KIF9: variants seen among roughly 807,000 people sequenced by gnomAD.
The protein encoded by KIF9 is kinesin family member 9.
KIF9 carries 68 observed loss-of-function variants against 94.8 expected under a neutral mutation model. The observed-to-expected ratio is 0.72, with a 90% CI of 0.59 to 0.88. The LOEUF (loss-of-function observed/expected upper bound fraction) is 0.88, where lower values mean the gene tolerates loss of function less well. Among genes scored for constraint, KIF9 ranks in the 40% least tolerant of loss-of-function variants. The pLI is 0.00. For synonymous variants in KIF9, 343 were observed against 362.1 expected, an observed-to-expected ratio of 0.95 and a Z score of 0.60; for missense variants, 882 against 982.5, an observed-to-expected ratio of 0.90 and a Z score of 1.37.
rs1700666940 is a variant in KIF9, at chr3:47,257,110, CT to C, written c.1059+372del. Among the ~76,000 whole-genome samples the C allele has an allele frequency of 7.2e-5, 11 of 152,042 alleles. No homozygotes were observed. In the South Asian group the frequency reaches 2.3e-3, roughly 32 times the overall value. On this transcript the variant is annotated intron_variant, in intron 10 of 20. Transcript: ENST00000684063. ...GGTCCTATGACCCTGCCAAATCCCC[CT>C]CTGTGAGAAACACCCAAGAATGATC...
At chr3:47,255,130 C>A (rs1463984603) in intron 10 of KIF9, among the ~76,000 whole-genome samples, 2 of 152,158 alleles carry the variant, frequency 1.3e-5, no homozygotes, top group Non-Finnish European at 2.9e-5. Context: ...AGCTATGATT[C>A]CATGAGCATC....
At chr3:47,267,090 G>T in intron 6 of KIF9, 22 bp from the exon 7 acceptor site, 1 of 1,609,556 alleles carries the variant, frequency 6.2e-7, no homozygotes, top group South Asian at 1.1e-5. Context: ...CCAAGCAGAA[G>T]TTAGACTGTC....
At chr3:47,242,461 G>C (rs1699639833) in intron 16 of KIF9, among the ~76,000 whole-genome samples, 1 of 152,142 alleles carries the variant, frequency 6.6e-6, no homozygotes, top group East Asian at 1.9e-4. Flanking sequence ...GGTGTTCGCT[G>C]TACAATTATT....
chr3:47,239,969 G>C, intron 17 of KIF9: 1 of 1,355,984 alleles, frequency 7.4e-7, no homozygotes. Flanking sequence ...TGTGGCCTCT[G>C]AACCACCTGT....
Position 47,236,028 on chromosome 3 carries a change from G to A in KIF9, c.2217+6C>T, listed in dbSNP as rs2291722. ...ACTGCCACACCCCTGCCCCTGTGCC[G>A]CTCACCAGAGACACAATCCTGTTCA... On this transcript the variant is annotated splice_donor_region_variant and intron_variant, in intron 19 of 20. Coordinates refer to ENST00000684063, the MANE Select transcript of KIF9 (RefSeq NM_182902.4). 4.0e-4 allele frequency: 647 copies of A among 1,604,316 alleles called. 6 individuals carry two copies. In the East Asian group the frequency reaches 0.012, roughly 31 times the overall value.
intron 10 of KIF9, chr3:47,250,666 T>C: frequency 2.6e-6 from 1 of 390,540 alleles, no homozygotes; most frequent in South Asian, 1.9e-5. Context: ...CGCTAAGTCA[T>C]TTTATACTCG....
chr3:47,232,716 C>T (rs1698688049), intron 20 of KIF9, among the ~76,000 whole-genome samples: 1 of 152,042 alleles, frequency 6.6e-6, no homozygotes, highest in South Asian at 2.1e-4. Flanking sequence ...GGCATGCTGG[C>T]TCACACCTAT....
At chr3:47,233,041 A>G (rs1698723820) in intron 20 of KIF9, among the ~76,000 whole-genome samples, 1 of 151,520 alleles carries the variant, frequency 6.6e-6, no homozygotes, top group African/African-American at 2.4e-5. Flanking sequence ...AAACAGGAAG[A>G]AATAGTTGTA....
chr3:47,265,718 G>GT lies in KIF9; in HGVS notation c.916+11dup, dbSNP rs752232637. On this transcript the variant is annotated intron_variant, in intron 8 of 20. Transcript: ENST00000684063. The stretch of plus-strand genomic sequence containing the variant: ...AGACCCTCCTCCCTGGGCAGCAACT[G>GT]TACCCCCTCACCTAACGAGTCCTTC... 1 of 1,613,358 alleles carries GT rather than the reference G, an allele frequency of 6.2e-7. No homozygotes were observed. Among genetic ancestry groups the GT allele is most frequent in the Non-Finnish European group, 8.5e-7 (1 of 1,179,420 alleles).
intron 16 of KIF9, among the ~76,000 whole-genome samples, chr3:47,242,634 C>A (rs1199900426): frequency 6.6e-6 from 1 of 152,102 alleles, no homozygotes; most frequent in Non-Finnish European, 1.5e-5. Context: ...AAATAAACAT[C>A]TTTTGCATAA....
At chr3:47,264,159 C>G (rs1576044636) in intron 9 of KIF9, 127 bp downstream of exon 9, 1 of 747,642 alleles carries the variant, frequency 1.3e-6, no homozygotes, top group East Asian at 2.6e-5. Flanking sequence ...CAGACTCACC[C>G]CTGGATCCTT....
chr3:47,282,698 C>T lies in KIF9; in HGVS notation c.-209G>A. 7.4e-7 allele frequency: 1 copy of T among 1,357,232 alleles called. No homozygotes were observed. The highest frequency in any genetic ancestry group is 9.5e-7 in the Non-Finnish European group (1 of 1,049,300). The allele number at this position is 1,357,232 out of a possible 1,614,324, so 84.1% of individuals were successfully genotyped here. A position where few individuals can be genotyped will look rare whatever the true frequency, so the allele number is the denominator to read the frequency against. ...TGAGGTCATGGCCGAATCGGGAAGA[C>T]GAGAGATGGGGCCGATTGATCTAGA... On this transcript the variant is annotated 5_prime_UTR_variant, in exon 1 of 21. Transcript: ENST00000684063.
In KIF9 at chr3:47,238,815, C is replaced by T. The variant is rs140279507; in HGVS notation, c.1924+1986G>A. On this transcript the variant is annotated intron_variant, in intron 17 of 20. Transcript: ENST00000684063. ...CAGCTGGGACTACAGGCGTGCATCACCTACGCCCGGATAATTTTTTTGTAT... is the reference window on the plus strand; with the variant it reads ...CAGCTGGGACTACAGGCGTGCATCATCTACGCCCGGATAATTTTTTTGTAT... Among the ~76,000 whole-genome samples, 231 of 152,298 alleles carry T rather than the reference C, an allele frequency of 1.5e-3. 2 individuals carry two copies. The highest frequency in any genetic ancestry group is 7.8e-3 in the Admixed American group (119 of 15,292).
At position 47,236,487 on chromosome 3, in the gene KIF9, T is replaced by A; in HGVS notation, c.2057A>T (p.Tyr686Phe). 1 of 1,613,670 alleles carries A rather than the reference T, an allele frequency of 6.2e-7. No homozygotes were observed. The highest frequency in any genetic ancestry group is 2.2e-5 in the East Asian group (1 of 44,900). ...ACACTGATCCACTAGGTGCTGGCAA[T>A]ACTGGATCTCAGCCCTGAGGTCACG... ...DLRDLRAEIQ[Y>F]CQHLVDQCRH... The change falls in exon 18 of 21, where the codon TAT becomes TTT. Residue 686 changes from tyrosine to phenylalanine, a missense_variant. Tyr to Phe is a conservative substitution (Grantham distance 22). Coordinates refer to ENST00000684063, the MANE Select transcript of KIF9 (RefSeq NM_182902.4).
chr3:47,235,739 G>A (rs1256961502), intron 19 of KIF9, 122 bp from the exon 20 acceptor site: 4 of 769,146 alleles, frequency 5.2e-6, no homozygotes, highest in African/African-American at 3.4e-5. Context: ...GCCACCAAAA[G>A]GGCATCTCAC....
intron 13 of KIF9, 127 bp from the exon 14 acceptor site, chr3:47,245,638 T>C (rs543752834): frequency 1.3e-5 from 9 of 717,070 alleles, no homozygotes; most frequent in South Asian, 1.2e-4. Flanking sequence ...ACCTTCATCA[T>C]GAACCAGACC....
rs1411215092 is a variant in KIF9, at chr3:47,277,353, G to C, written c.22C>G (p.His8Asp). MGTRKKV[H>D]AFVRVKPTDD... ...GTGGGTTTGACACGGACAAATGCAT[G>C]AACTTTTTTCCTAGTACCCATTCTA... The change falls in exon 2 of 21, where the codon CAT becomes GAT. Residue 8 changes from histidine (H) to aspartate (D), a missense_variant. By Grantham distance (81) the His-to-Asp change is moderately conservative. Coordinates refer to ENST00000684063, the MANE Select transcript of KIF9 (RefSeq NM_182902.4). 6.2e-7 allele frequency: 1 copy of C among 1,613,626 alleles called. No individual in the cohort carries two copies. Among genetic ancestry groups the C allele is most frequent in the Non-Finnish European group, 8.5e-7 (1 of 1,179,792 alleles).
At chr3:47,258,991 T>C (rs1200620204) in intron 9 of KIF9, among the ~76,000 whole-genome samples, 1 of 152,198 alleles carries the variant, frequency 6.6e-6, no homozygotes, top group African/African-American at 2.4e-5. Flanking sequence ...AGTGCAGGTC[T>C]AGCCCCTGAG....
chr3:47,244,729 C>G, intron 15 of KIF9, 62 bp downstream of exon 15: 1 of 1,589,114 alleles, frequency 6.3e-7, no homozygotes, highest in Non-Finnish European at 8.6e-7. Flanking sequence ...CAGTGCACAT[C>G]CTCCCATGCA....
Sources: allele counts gnomAD v4.1 joint callset (sites outside exome capture counted in the v4.1 genomes callset), GRCh38; gene constraint gnomAD v4.1.1; transcripts MANE v1.5; gene names NCBI Gene and HGNC (gene_info 2026-07-23, HGNC 2026-07-21).